The following RUNX1 variants were observed in gnomAD, a reference collection of about 807,000 sequenced individuals.
RUNX1 encodes the protein RUNX family transcription factor 1.
A neutral mutation model predicts 42.8 loss-of-function variants in RUNX1; 19 were observed. The ratio of observed to expected loss-of-function variants is 0.44; its 90% CI spans 0.31 to 0.65. RUNX1 has a LOEUF of 0.65. RUNX1 is among the 30% of genes least tolerant of loss of function. The pLI, the probability that RUNX1 is intolerant of heterozygous loss-of-function variation, is 0.07. For missense variants in RUNX1, 528 were observed against 672.0 expected (o/e 0.79, Z 2.37); for synonymous variants, 271 against 289.4 (o/e 0.94, Z 0.64).
chr21:35,014,479 TCA>T (rs1348613949), intron 2 of RUNX1, among the ~76,000 whole-genome samples: 1 of 152,192 alleles, frequency 6.6e-6, no homozygotes, highest in Admixed American at 6.5e-5. Flanking sequence ...CGCATGAGTC[TCA>T]GTTTCCACAT....
intron 2 of RUNX1, among the ~76,000 whole-genome samples, chr21:34,927,738 T>G (rs2058406886): frequency 6.6e-6 from 1 of 152,202 alleles, no homozygotes; most frequent in African/African-American, 2.4e-5. Context: ...TGCCACATAG[T>G]AGGCTCGTGA....
intron 2 of RUNX1, among the ~76,000 whole-genome samples, chr21:34,908,337 A>G (rs1278459172): frequency 6.6e-6 from 1 of 152,196 alleles, no homozygotes; most frequent in Non-Finnish European, 1.5e-5. Context: ...TTTAAATTGT[A>G]TTGGAAAGGA....
At position 34,791,017 on chromosome 21, in the gene RUNX1, G is replaced by A. The variant is rs1036308111; in HGVS notation, c.*1118C>T. On this transcript the variant is annotated 3_prime_UTR_variant, in exon 9 of 9. Transcript: ENST00000675419. The stretch of plus-strand genomic sequence containing the variant: ...CTCTGGAACTAGATTGACCTTCTCT[G>A]TTTTAAGGAGGAAGTTAGATATGAG... The A allele has an allele frequency of 3.4e-5, 8 of 233,552 alleles. No homozygotes were observed. The highest frequency in any genetic ancestry group is 5.9e-5 in the Non-Finnish European group (7 of 118,044). The allele number at this position is 233,552 out of a possible 1,614,324, so 14.5% of individuals were successfully genotyped here. A position where few individuals can be genotyped will look rare whatever the true frequency, so the allele number is the denominator to read the frequency against.
chr21:34,933,759 G>T (rs1047727397), intron 2 of RUNX1, among the ~76,000 whole-genome samples: 4 of 152,194 alleles, frequency 2.6e-5, no homozygotes, highest in African/African-American at 4.8e-5. Context: ...TCCTGGCTCA[G>T]TGCCTGGGAG....
intron 2 of RUNX1, among the ~76,000 whole-genome samples, chr21:34,971,807 A>G (rs2058765779): frequency 6.6e-6 from 1 of 152,176 alleles, no homozygotes; most frequent in Non-Finnish European, 1.5e-5. Context: ...TCAAACCTCA[A>G]GCACCACATA....
intron 2 of RUNX1, among the ~76,000 whole-genome samples, chr21:34,993,634 GAC>G (rs764751438): frequency 7.2e-5 from 3 of 41,950 alleles, no homozygotes; most frequent in African/African-American, 2.1e-4. Context: ...CACACACACA[GAC>G]ACACACAGGC....
chr21:34,938,448 T>C (rs186377644), intron 2 of RUNX1, among the ~76,000 whole-genome samples: 220 of 152,326 alleles, frequency 1.4e-3, no homozygotes, highest in African/African-American at 5.1e-3. Flanking sequence ...CAGGGTCTAA[T>C]GCAGACAAGT....
At chr21:34,938,927 G>A (rs555993456) in intron 2 of RUNX1, among the ~76,000 whole-genome samples, 118 of 152,218 alleles carry the variant, frequency 7.8e-4, no homozygotes, top group Middle Eastern at 3.4e-3. Context: ...TTGAGATCAA[G>A]GGACTTTATT....
At chr21:34,799,507 A>T (rs2056579156) in intron 7 of RUNX1, 45 bp from the exon 8 acceptor site, 1 of 1,564,814 alleles carries the variant, frequency 6.4e-7, no homozygotes. Context: ...GTGGGGTGGG[A>T]TTTAAAAAAT....
chr21:35,022,177 G>A (rs868383831), intron 2 of RUNX1, among the ~76,000 whole-genome samples: 8 of 152,316 alleles, frequency 5.3e-5, no homozygotes, highest in Middle Eastern at 3.4e-3. Context: ...TGGCGGTTCC[G>A]TGGTTTACCA....
At chr21:34,924,548 T>C (rs1174912989) in intron 2 of RUNX1, among the ~76,000 whole-genome samples, 2 of 152,170 alleles carry the variant, frequency 1.3e-5, no homozygotes, top group Non-Finnish European at 2.9e-5. Flanking sequence ...TGCACAGTCA[T>C]GGTGGTACAA....
intron 8 of RUNX1, among the ~76,000 whole-genome samples, chr21:34,793,596 C>T (rs543337627): frequency 6.6e-6 from 1 of 152,150 alleles, no homozygotes; most frequent in South Asian, 2.1e-4. Flanking sequence ...TACTTCGGAA[C>T]ACATCCTCAC....
intron 2 of RUNX1, among the ~76,000 whole-genome samples, chr21:34,921,032 T>C (rs1206181577): frequency 2.6e-5 from 4 of 152,136 alleles, no homozygotes; most frequent in African/African-American, 9.7e-5. Flanking sequence ...CTAATTTTGG[T>C]ATTTTTAGTA....
At chr21:34,924,810 T>C (rs1285785816) in intron 2 of RUNX1, among the ~76,000 whole-genome samples, 1 of 152,200 alleles carries the variant, frequency 6.6e-6, no homozygotes, top group Non-Finnish European at 1.5e-5. Context: ...TTCTGGAGGC[T>C]GGGAAGTCTA....
intron 2 of RUNX1, among the ~76,000 whole-genome samples, chr21:35,018,824 A>G (rs2059177873): frequency 6.6e-6 from 1 of 152,124 alleles, no homozygotes; most frequent in African/African-American, 2.4e-5. Flanking sequence ...GCCTTTGTAC[A>G]GTGTCCAACC....
intron 2 of RUNX1, chr21:35,038,415 G>A (rs1464889747): frequency 5.0e-6 from 2 of 396,050 alleles, no homozygotes; most frequent in East Asian, 7.2e-5. Flanking sequence ...AGCCTCCAGG[G>A]AAAGAAATAA....
chr21:34,935,115 G>C (rs1004189906), intron 2 of RUNX1, among the ~76,000 whole-genome samples: 1 of 152,142 alleles, frequency 6.6e-6, no homozygotes, highest in African/African-American at 2.4e-5. Flanking sequence ...GAGGCTTAGA[G>C]AGCAAATAGA....
intron 2 of RUNX1, among the ~76,000 whole-genome samples, chr21:34,930,289 T>TATATATATATAA (rs1555906453): frequency 8.6e-4 from 118 of 137,310 alleles, no homozygotes; most frequent in African/African-American, 3.4e-3. Flanking sequence ...TATATATATA[T>TATATATATATAA]ATAAATAAAT....
At chr21:34,808,905 G>A (rs879870770) in intron 7 of RUNX1, among the ~76,000 whole-genome samples, 1 of 152,182 alleles carries the variant, frequency 6.6e-6, no homozygotes, top group African/African-American at 2.4e-5. Context: ...AGTTGGCATC[G>A]TGTCCCTGAG....
Sources: allele counts gnomAD v4.1 joint callset (sites outside exome capture counted in the v4.1 genomes callset), GRCh38; gene constraint gnomAD v4.1.1; transcripts MANE v1.5; gene names NCBI Gene and HGNC (gene_info 2026-07-23, HGNC 2026-07-21).